DPPA5: variants seen among roughly 807,000 people sequenced by gnomAD.
DPPA5 encodes developmental pluripotency associated 5, also known as developmental pluripotency-associated 5 protein.
Under a neutral mutation model 11.3 loss-of-function variants are expected in DPPA5, and 11 were observed. The ratio of observed to expected loss-of-function variants is 0.97; its 90% CI spans 0.61 to 1.61. The LOEUF (loss-of-function observed/expected upper bound fraction) is 1.61. DPPA5 is among the 40% of genes most tolerant of loss of function. The pLI is 0.00. For missense variants in DPPA5, 132 were observed against 151.8 expected (o/e 0.87, Z 0.68); for synonymous variants, 53 against 59.2 (o/e 0.90, Z 0.48).
At chr6:73,353,450 T>C (rs910709167) in intron 2 of DPPA5, 72 bp from the exon 3 acceptor site, 2 of 1,592,642 alleles carry the variant, frequency 1.3e-6, no homozygotes, top group Non-Finnish European at 1.7e-6. Flanking sequence ...TCTCCGCCTC[T>C]TTCAGGGTTC....
intron 2 of DPPA5, 24 bp downstream of exon 2, chr6:73,353,829 G>A (rs768137960): frequency 3.7e-6 from 6 of 1,611,088 alleles, no homozygotes; most frequent in Non-Finnish European, 5.1e-6. Flanking sequence ...TGTGTTCCGC[G>A]TACCCAGTCT....
Position 73,353,136 on chromosome 6 carries a change from C to A in DPPA5, c.*184G>T. On this transcript the variant is annotated 3_prime_UTR_variant, in exon 3 of 3. Coordinates refer to ENST00000370370, the MANE Select transcript of DPPA5 (RefSeq NM_001025290.3). ...AAAAACACTTTTTATTAACAATCAT[C>A]AAAGAAATATTCACAACAAGACTCA... 1.6e-6 allele frequency: 1 copy of A among 606,828 alleles called. No individual in the cohort carries two copies. The highest frequency in any genetic ancestry group is 2.9e-6 in the Non-Finnish European group (1 of 349,216). 37.6% of individuals were successfully genotyped at this position (606,828 alleles called of 1,614,324 possible). A position where few individuals can be genotyped will look rare whatever the true frequency, so the allele number is the denominator to read the frequency against.
In DPPA5 at chr6:73,354,146, T is replaced by A; in HGVS notation, c.80A>T (p.Gln27Leu). 6.2e-7 allele frequency: 1 copy of A among 1,614,236 alleles called. No individual in the cohort carries two copies. Among genetic ancestry groups the A allele is most frequent in the Non-Finnish European group, 8.5e-7 (1 of 1,180,030 alleles). The change falls in exon 1 of 3, where the codon CAG becomes CTG. Residue 27 changes from glutamine (Q) to leucine (L), a missense_variant. Physicochemically the swap from Gln to Leu is moderately radical, Grantham distance 113. Coordinates refer to ENST00000370370, the MANE Select transcript of DPPA5 (RefSeq NM_001025290.3). ...PEDLKDPEVF[Q>L]VQTRLLKAIF... ...GGCTTTCAGCAGCCGCGTCTGGACC[T>A]GGAACACCTCTGGATCTTTCAGGTC...
rs1318069227 is a variant in DPPA5, at chr6:73,353,219, T to C, written c.*101A>G. On this transcript the variant is annotated 3_prime_UTR_variant, in exon 3 of 3. Coordinates refer to ENST00000370370, the MANE Select transcript of DPPA5 (RefSeq NM_001025290.3). ...AACAAATGGTTTTCCCTTAACTCTTTAGGCTGGAGCAGATTTTAAAACAAG... is the reference window on the plus strand; with the variant it reads ...AACAAATGGTTTTCCCTTAACTCTTCAGGCTGGAGCAGATTTTAAAACAAG... 2 of 1,452,650 alleles carry C rather than the reference T, an allele frequency of 1.4e-6. No homozygotes were observed. The allele number at this position is 1,452,650 out of a possible 1,614,324, so 90.0% of individuals were successfully genotyped here.
intron 2 of DPPA5, among the ~76,000 whole-genome samples, 171 bp downstream of exon 2, chr6:73,353,682 G>T (rs1273908448): frequency 6.6e-6 from 1 of 152,190 alleles, no homozygotes; most frequent in Non-Finnish European, 1.5e-5. Context: ...GCATTCTGGG[G>T]CCCCCATTCC....
At chr6:73,353,773 AAGAGGAGAG>A in intron 2 of DPPA5, 71 bp downstream of exon 2, 1 of 1,509,772 alleles carries the variant, frequency 6.6e-7, no homozygotes, top group Non-Finnish European at 8.9e-7. Flanking sequence ...AGAGAGGAGA[AAGAGGAGAG>A]GGCTGGAGGA....
chr6:73,354,261 C>A lies in DPPA5; in HGVS notation c.-36G>T. ...TCACAACCAAGACCACTCTCCAGCG[C>A]AAACCAGGCCTAATCACGCCGGCCG... On this transcript the variant is annotated 5_prime_UTR_variant, in exon 1 of 3. Transcript: ENST00000370370. 2 of 1,606,266 alleles carry A rather than the reference C, an allele frequency of 1.2e-6. No homozygotes were observed. The highest frequency in any genetic ancestry group is 4.5e-5 in the East Asian group (2 of 44,718).
In DPPA5 at chr6:73,353,187, T is replaced by C. The variant is rs1768714262; in HGVS notation, c.*133A>G. 9.5e-7 allele frequency: 1 copy of C among 1,054,358 alleles called. No homozygotes were observed. The highest frequency in any genetic ancestry group is 1.4e-6 in the Non-Finnish European group (1 of 700,794). The allele number at this position is 1,054,358 out of a possible 1,614,324, so 65.3% of individuals were successfully genotyped here. A position where few individuals can be genotyped will look rare whatever the true frequency, so the allele number is the denominator to read the frequency against. On this transcript the variant is annotated 3_prime_UTR_variant, in exon 3 of 3. Transcript: ENST00000370370. The stretch of plus-strand genomic sequence containing the variant: ...GAGCCAAGGGTTTTCCCTTAACTCT[T>C]TAAGGGAACAAATGGTTTTCCCTTA...
Position 73,354,226 on chromosome 6 carries a change from C to A in DPPA5, c.-1G>T. On this transcript the variant is annotated 5_prime_UTR_variant, in exon 1 of 3. Coordinates refer to ENST00000370370, the MANE Select transcript of DPPA5 (RefSeq NM_001025290.3). ...GTCTACGTGCCGGGAGAGTTCCCATCTTATGACCCTCACAACCAAGACCAC... is the reference window on the plus strand; with the variant it reads ...GTCTACGTGCCGGGAGAGTTCCCATATTATGACCCTCACAACCAAGACCAC... 1 of 1,614,044 alleles carries A rather than the reference C, an allele frequency of 6.2e-7. No individual in the cohort carries two copies. The highest frequency in any genetic ancestry group is 8.5e-7 in the Non-Finnish European group (1 of 1,179,930).
rs1445985204 is a variant in DPPA5, at chr6:73,353,322, A to C, written c.349T>G (p.Ter117GlyextTer8). The change falls in exon 3 of 3, where the codon TGA becomes GGA. Residue 117 changes from the stop codon to glycine (G), a stop_lost. Coordinates refer to ENST00000370370, the MANE Select transcript of DPPA5 (RefSeq NM_001025290.3). The part of the protein sequence containing the change: ...NALELGPWMK[*>G] Reference sequence around the variant, plus strand: ...CATTGCATTGGCTGGAAACTGGTTCACTTCATCCAAGGGCCTAGTTCGAGG... The same window carrying C: ...CATTGCATTGGCTGGAAACTGGTTCCCTTCATCCAAGGGCCTAGTTCGAGG... 2 of 1,613,978 alleles carry C rather than the reference A, an allele frequency of 1.2e-6. No individual in the cohort carries two copies. Among genetic ancestry groups the C allele is most frequent in the Non-Finnish European group, 1.7e-6 (2 of 1,180,014 alleles).
chr6:73,353,305 T>G lies in DPPA5; in HGVS notation c.*15A>C, dbSNP rs761345763. ...TCTCTGCAACCCGGCTTCATTGCAT[T>G]GGCTGGAAACTGGTTCACTTCATCC... On this transcript the variant is annotated 3_prime_UTR_variant, in exon 3 of 3. Coordinates refer to ENST00000370370, the MANE Select transcript of DPPA5 (RefSeq NM_001025290.3). The G allele has an allele frequency of 6.2e-7, 1 of 1,614,086 alleles. No homozygotes were observed. The highest frequency in any genetic ancestry group is 8.5e-7 in the Non-Finnish European group (1 of 1,180,006).
At position 73,354,198 on chromosome 6, in the gene DPPA5, T is replaced by C; in HGVS notation, c.28A>G (p.Ile10Val). The change falls in exon 1 of 3, where the codon ATC becomes GTC. Residue 10 changes from isoleucine (I) to valine (V), a missense_variant. Transcript: ENST00000370370. Reference protein sequence around the residue: MGTLPARRHIPPWVKVPEDL... With the variant: MGTLPARRHVPPWVKVPEDL... The stretch of plus-strand genomic sequence containing the variant: ...TCGGGAACTTTCACCCACGGCGGGA[T>C]ATGTCTACGTGCCGGGAGAGTTCCC... 6.2e-7 allele frequency: 1 copy of C among 1,614,210 alleles called. No homozygotes were observed. The highest frequency in any genetic ancestry group is 1.1e-5 in the South Asian group (1 of 91,080).
At chr6:73,353,401 G>C in intron 2 of DPPA5, 23 bp from the exon 3 acceptor site, 1 of 1,614,018 alleles carries the variant, frequency 6.2e-7, no homozygotes, top group Non-Finnish European at 8.5e-7. Context: ...TAGCAACAGC[G>C]GCGTGAGTCT....
Position 73,354,093 on chromosome 6 carries a change from G to T in DPPA5, c.112+21C>A, listed in dbSNP as rs548452414. The T allele has an allele frequency of 1.4e-5, 23 of 1,614,004 alleles. No homozygotes were observed. In the East Asian group the frequency reaches 2.0e-4, roughly 14 times the overall value. ...TGAGACTCCCGAGCCGGGGCAGCCC[G>T]CCAGTACTGGGCACACTCACCGAAA... is the stretch of plus-strand genomic sequence containing the variant. On this transcript the variant is annotated intron_variant, in intron 1 of 2. Coordinates refer to ENST00000370370, the MANE Select transcript of DPPA5 (RefSeq NM_001025290.3).
Position 73,353,984 on chromosome 6 carries a change from A to T in DPPA5, c.161T>A (p.Met54Lys). Residue 54 changes from methionine to lysine, a missense_variant, in exon 2 of 3, where the codon ATG becomes AAG. Physicochemically the swap from Met to Lys is moderately conservative, Grantham distance 95 (BLOSUM62 -1). Transcript: ENST00000370370. ...IPYIEQVSKA[M>K]LELKALESSD... The stretch of plus-strand genomic sequence containing the variant: ...AGACTCCAGAGCCTTCAGCTCGAGC[A>T]TGGCCTTGCTCACCTGCTCGATGTA... The T allele has an allele frequency of 1.2e-6, 2 of 1,614,086 alleles. No homozygotes were observed. The highest frequency in any genetic ancestry group is 1.7e-6 in the Non-Finnish European group (2 of 1,180,030).
Position 73,354,255 on chromosome 6 carries a change from C to A in DPPA5, c.-30G>T, listed in dbSNP as rs1442895420. 1 of 1,608,226 alleles carries A rather than the reference C, an allele frequency of 6.2e-7. No homozygotes were observed. Among genetic ancestry groups the A allele is most frequent in the African/African-American group, 1.3e-5 (1 of 74,914 alleles). ...TGACCCTCACAACCAAGACCACTCT[C>A]CAGCGCAAACCAGGCCTAATCACGC... is the stretch of plus-strand genomic sequence containing the variant. On this transcript the variant is annotated 5_prime_UTR_variant, in exon 1 of 3. Coordinates refer to ENST00000370370, the MANE Select transcript of DPPA5 (RefSeq NM_001025290.3).
At position 73,354,031 on chromosome 6, in the gene DPPA5, G is replaced by A; in HGVS notation, c.114C>T (p.Gly38=). 1 of 1,613,926 alleles carries A rather than the reference G, an allele frequency of 6.2e-7. No homozygotes were observed. The highest frequency in any genetic ancestry group is 1.1e-5 in the South Asian group (1 of 91,084). Residue 38 remains glycine, a splice_region_variant and synonymous_variant, in exon 2 of 3, where the codon GGC becomes GGT. Coordinates refer to ENST00000370370, the MANE Select transcript of DPPA5 (RefSeq NM_001025290.3). ...TGTAAGGGATTCGAGATCCGTCCGG[G>A]CCTGTTGGGGAAAAGAGATGAGATC... The part of the protein sequence containing the change: ...VQTRLLKAIF[G]PDGSRIPYIE...
intron 2 of DPPA5, 54 bp from the exon 3 acceptor site, chr6:73,353,432 C>T (rs987694371): frequency 1.2e-6 from 2 of 1,607,474 alleles, no homozygotes; most frequent in Non-Finnish European, 1.7e-6. Context: ...AGTAAGCGCC[C>T]GGACTGTTCT....
rs1474688696 is a variant in DPPA5, at chr6:73,353,981, A to G, written c.164T>C (p.Leu55Pro). 5 of 1,614,024 alleles carry G rather than the reference A, an allele frequency of 3.1e-6. No homozygotes were observed. The highest frequency in any genetic ancestry group is 1.3e-5 in the African/African-American group (1 of 74,908). ...TGAAGACTCCAGAGCCTTCAGCTCG[A>G]GCATGGCCTTGCTCACCTGCTCGAT... ...PYIEQVSKAM[L>P]ELKALESSDL... Residue 55 changes from leucine to proline, a missense_variant, in exon 2 of 3, where the codon CTC (leucine) becomes CCC (proline). Transcript: ENST00000370370.
Sources: allele counts gnomAD v4.1 joint callset (sites outside exome capture counted in the v4.1 genomes callset), GRCh38; gene constraint gnomAD v4.1.1; transcripts MANE v1.5; gene names NCBI Gene and HGNC (gene_info 2026-07-23, HGNC 2026-07-21).